The following DLGAP2 variants were observed in gnomAD, a reference collection of about 807,000 sequenced individuals.
DLGAP2 encodes disks large-associated protein 2.
Under a neutral mutation model 100.3 loss-of-function variants are expected in DLGAP2, and 26 were observed. The ratio of observed to expected loss-of-function variants is 0.26; its 90% CI spans 0.19 to 0.36. DLGAP2 has a LOEUF of 0.36. Among genes scored for constraint, DLGAP2 ranks in the 10% least tolerant of loss-of-function variants. The pLI is 1.00. For missense variants in DLGAP2, 1,858 were observed against 1,453.2 expected (o/e 1.28, Z -4.53); for synonymous variants, 886 against 630.1 (o/e 1.41, Z -6.08).
At chr8:1,584,733 G>T (rs1796064640) in intron 6 of DLGAP2, among the ~76,000 whole-genome samples, 1 of 152,248 alleles carries the variant, frequency 6.6e-6, no homozygotes, top group Middle Eastern at 3.4e-3. Flanking sequence ...CTGCCCATCA[G>T]GGAAGCAGCT....
intron 2 of DLGAP2, among the ~76,000 whole-genome samples, chr8:1,117,971 G>T (rs540963841): frequency 1.6e-4 from 25 of 152,238 alleles, no homozygotes; most frequent in Non-Finnish European, 3.2e-4. Context: ...CCGTTTTCCA[G>T]ATGGAATAGT....
chr8:1,526,436 C>G (rs1338151844), intron 4 of DLGAP2, among the ~76,000 whole-genome samples: 7 of 152,074 alleles, frequency 4.6e-5, no homozygotes, highest in African/African-American at 1.7e-4. Flanking sequence ...TGGATTTAGA[C>G]TCATTCAACT....
intron 3 of DLGAP2, among the ~76,000 whole-genome samples, chr8:1,342,956 C>G (rs980775187): frequency 6.6e-6 from 1 of 151,928 alleles, no homozygotes; most frequent in African/African-American, 2.4e-5. Context: ...GTAATTGTAG[C>G]CTCTGGCACA....
intron 2 of DLGAP2, among the ~76,000 whole-genome samples, chr8:994,380 A>G (rs1376245217): frequency 6.6e-6 from 1 of 152,030 alleles, no homozygotes; most frequent in Non-Finnish European, 1.5e-5. Context: ...TTGTATTTTT[A>G]GTAGAGACGG....
chr8:1,409,201 C>G (rs528226459), intron 3 of DLGAP2, among the ~76,000 whole-genome samples: 1 of 151,554 alleles, frequency 6.6e-6, no homozygotes, highest in Admixed American at 6.6e-5. Context: ...CCTTGGACCA[C>G]TGCCCAACTC....
At chr8:1,547,627 G>A (rs542846773) in intron 4 of DLGAP2, among the ~76,000 whole-genome samples, 19 of 152,278 alleles carry the variant, frequency 1.2e-4, no homozygotes, top group Admixed American at 3.3e-4. Context: ...GCGCCCAGCC[G>A]CCTTCCCAGG....
rs575132643 is a variant in DLGAP2 at position 1,150,684 on chromosome 8, A to G, written c.74-108167A>G. On this transcript the variant is annotated intron_variant, in intron 2 of 14. Transcript: ENST00000637795. The stretch of plus-strand genomic sequence containing the variant: ...CTTGGAGGTTATTCTAATGCTAGAG[A>G]AAGAAAAACAAAATGGATGAATATA... Among the ~76,000 whole-genome samples, 8 of 152,356 alleles carry G rather than the reference A, an allele frequency of 5.3e-5. No individual in the cohort carries two copies. The East Asian group carries it at 1.5e-3, about 29-fold the overall frequency.
chr8:1,682,869 G>A (rs1304475197), intron 12 of DLGAP2, among the ~76,000 whole-genome samples: 1 of 151,650 alleles, frequency 6.6e-6, no homozygotes, highest in African/African-American at 2.4e-5. Flanking sequence ...AATTTTTGCT[G>A]ACTCCAAATT....
At chr8:1,082,196 C>G (rs970599043) in intron 2 of DLGAP2, among the ~76,000 whole-genome samples, 2 of 152,120 alleles carry the variant, frequency 1.3e-5, no homozygotes, top group African/African-American at 4.8e-5. Context: ...TCTTGTCGAT[C>G]TAGAACTCGA....
intron 3 of DLGAP2, among the ~76,000 whole-genome samples, chr8:1,306,820 A>G (rs1202855036): frequency 2.0e-5 from 3 of 152,232 alleles, no homozygotes; most frequent in Non-Finnish European, 2.9e-5. Context: ...TCAATAATTT[A>G]TGTTAGAGAA....
At position 1,276,647 on chromosome 8, in the gene DLGAP2, ACAC is replaced by A. The variant is rs879533722; in HGVS notation, c.106+17765_106+17767del. 6.0e-3 allele frequency among the ~76,000 whole-genome samples: 915 copies of A among 152,248 alleles called. 11 individuals carry two copies. The highest frequency in any genetic ancestry group is 0.032 in the Admixed American group (488 of 15,288). ...TGTGTCGGTGCTTTGACTTCCCAGC[ACAC>A]GTCCCCAGACTCCTCTAGAAAGTCT... On this transcript the variant is annotated intron_variant, in intron 3 of 14. Coordinates refer to ENST00000637795, the MANE Select transcript of DLGAP2 (RefSeq NM_001346810.2).
intron 1 of DLGAP2, among the ~76,000 whole-genome samples, chr8:883,766 C>A (rs559552731): frequency 6.6e-6 from 1 of 152,288 alleles, no homozygotes; most frequent in African/African-American, 2.4e-5. Flanking sequence ...CACCTATTAA[C>A]CCATCCTGTA....
intron 2 of DLGAP2, among the ~76,000 whole-genome samples, chr8:1,252,277 T>A (rs1799062163): frequency 6.8e-6 from 1 of 147,682 alleles, no homozygotes; most frequent in Admixed American, 6.7e-5. Context: ...TCACGTCATG[T>A]CACACTTGTC....
intron 2 of DLGAP2, among the ~76,000 whole-genome samples, chr8:1,177,960 G>A (rs1043233079): frequency 9.8e-5 from 15 of 152,330 alleles, no homozygotes; most frequent in African/African-American, 3.4e-4. Flanking sequence ...CTCAGTGATC[G>A]ACATCTCCAA....
At chr8:993,748 G>A (rs918690147) in intron 2 of DLGAP2, among the ~76,000 whole-genome samples, 3 of 144,820 alleles carry the variant, frequency 2.1e-5, no homozygotes, top group African/African-American at 7.6e-5. Context: ...CAGTTCTCTA[G>A]ATGCAGACTT....
At chr8:877,701 GA>G (rs1797710517) in intron 1 of DLGAP2, among the ~76,000 whole-genome samples, 1 of 152,160 alleles carries the variant, frequency 6.6e-6, no homozygotes, top group Non-Finnish European at 1.5e-5. Flanking sequence ...CCTGTGTCTT[GA>G]ATCTCTTCCC....
At chr8:1,516,077 A>G (rs1321898609) in intron 4 of DLGAP2, among the ~76,000 whole-genome samples, 2 of 151,070 alleles carry the variant, frequency 1.3e-5, no homozygotes, top group African/African-American at 4.9e-5. Flanking sequence ...AAAAAAGTAC[A>G]TGAATGAGTG....
At chr8:1,138,002 G>T (rs992082484) in intron 2 of DLGAP2, among the ~76,000 whole-genome samples, 3 of 152,062 alleles carry the variant, frequency 2.0e-5, no homozygotes, top group Non-Finnish European at 4.4e-5. Context: ...CTCCCATCAT[G>T]TAGGATTACA....
At chr8:1,155,413 C>T (rs961184670) in intron 2 of DLGAP2, among the ~76,000 whole-genome samples, 1 of 152,192 alleles carries the variant, frequency 6.6e-6, no homozygotes, top group Non-Finnish European at 1.5e-5. Context: ...GGGCTGCTAG[C>T]TGGGATCGCG....
Sources: gnomAD v4.1 joint callset for allele counts (sites outside exome capture counted in the v4.1 genomes callset) on GRCh38, gnomAD v4.1.1 for gene constraint, MANE v1.5 for transcripts, NCBI Gene and HGNC (gene_info 2026-07-23, HGNC 2026-07-21) for gene names.